The following CD99L2 variants were observed in gnomAD, a reference collection of about 807,000 sequenced individuals.
CD99L2 encodes the protein CD99 antigen-like protein 2.
In CD99L2, 24 loss-of-function variants were observed where a neutral mutation model predicts 27.3. The ratio of observed to expected loss-of-function variants is 0.88; its 90% confidence interval spans 0.64 to 1.24. The LOEUF (loss-of-function observed/expected upper bound fraction) is 1.24, where lower values mean the gene tolerates loss of function less well. CD99L2 is among the 50% of genes most tolerant of loss of function. The probability of loss-of-function intolerance (pLI) is 0.00; values close to 1 mark genes in which losing one functional copy is unlikely to be tolerated. For missense variants in CD99L2, 255 were observed against 221.6 expected (o/e 1.15, Z -0.96); for synonymous variants, 97 against 87.9 (o/e 1.10, Z -0.58).
chrX:150,890,307 C>T lies in CD99L2; in HGVS notation c.67+8215G>A, dbSNP rs180761949. Among the ~76,000 whole-genome samples the T allele has an allele frequency of 7.5e-3, 817 of 109,076 alleles. 7 individuals are homozygous for T. Among genetic ancestry groups the T allele is most frequent in the African/African-American group, 0.026 (772 of 29,913 alleles). The allele number at this position is 109,076 out of a possible 115,157, so 94.7% of individuals were successfully genotyped here. On this transcript the variant is annotated intron_variant, in intron 1 of 10. Transcript: ENST00000370377. ...CAGCCTGGCCAACATGGTGAAACCC[C>T]GTCTCTACTGAAAATACAAAAATTA... is the stretch of plus-strand genomic sequence containing the variant.
chrX:150,869,553 C>T (rs1557422136), intron 1 of CD99L2, among the ~76,000 whole-genome samples: 1 of 111,971 alleles, frequency 8.9e-6, no homozygotes, highest in African/African-American at 3.2e-5. Context: ...CAGATTTCTT[C>T]TGGATCTTCC....
chrX:150,853,890 A>G (rs1355253754), intron 1 of CD99L2, among the ~76,000 whole-genome samples: 1 of 112,008 alleles, frequency 8.9e-6, no homozygotes, highest in Non-Finnish European at 1.9e-5. Flanking sequence ...TCCCAGAGAC[A>G]TACCTGAGAA....
chrX:150,829,608 G>GA (rs1569566024), intron 2 of CD99L2: 1 of 292,759 alleles, frequency 3.4e-6, no homozygotes, highest in South Asian at 3.2e-5. Context: ...AAGGCAGCTG[G>GA]AAAAAACCAA....
intron 1 of CD99L2, among the ~76,000 whole-genome samples, chrX:150,876,994 A>C (rs2047237000): frequency 9.0e-6 from 1 of 111,615 alleles, no homozygotes; most frequent in Non-Finnish European, 1.9e-5. Flanking sequence ...TATAAAAATC[A>C]TATCTAGGTC....
intron 1 of CD99L2, among the ~76,000 whole-genome samples, chrX:150,841,528 C>T (rs1941003838): frequency 8.9e-6 from 1 of 111,949 alleles, no homozygotes; most frequent in Non-Finnish European, 1.9e-5. Flanking sequence ...AGCCTACCAT[C>T]TCAATGGGTC....
At chrX:150,781,769 C>T (rs1267298650) in intron 7 of CD99L2, among the ~76,000 whole-genome samples, 1 of 112,072 alleles carries the variant, frequency 8.9e-6, no homozygotes, top group Non-Finnish European at 1.9e-5. Context: ...TAGCAGGTCT[C>T]ATAGCTATAG....
intron 1 of CD99L2, among the ~76,000 whole-genome samples, chrX:150,862,119 T>G (rs2046989216): frequency 8.9e-6 from 1 of 111,732 alleles, no homozygotes. Flanking sequence ...CCTGAGAACT[T>G]ATTATGTTTA....
rs782442614 is a variant in CD99L2 at position 150,888,478 on chromosome X, G to A, written c.67+10044C>T. Among the ~76,000 whole-genome samples, 7 of 112,118 alleles carry A rather than the reference G, an allele frequency of 6.2e-5. No homozygotes were observed. The South Asian group carries it at 2.6e-3, about 42-fold the overall frequency. On this transcript the variant is annotated intron_variant, in intron 1 of 10. Coordinates refer to ENST00000370377, the MANE Select transcript of CD99L2 (RefSeq NM_031462.4). ...TCCGTTGCTATGAAATGTCCAGAAT[G>A]GGCAAATCCAGATAGGAAGCAGATG...
intron 9 of CD99L2, among the ~76,000 whole-genome samples, chrX:150,772,259 G>C (rs782429326): frequency 1.8e-5 from 2 of 112,897 alleles, no homozygotes; most frequent in Admixed American, 1.9e-4. Flanking sequence ...TCCTGATCAC[G>C]GAGGGGGCAA....
At chrX:150,801,255 C>T (rs1603294401) in intron 4 of CD99L2, among the ~76,000 whole-genome samples, 1 of 111,533 alleles carries the variant, frequency 9.0e-6, no homozygotes, top group Admixed American at 9.5e-5. Flanking sequence ...CGTTTTCACA[C>T]TGATATAAAG....
intron 1 of CD99L2, among the ~76,000 whole-genome samples, chrX:150,882,075 C>CA (rs1358425920): frequency 1.8e-5 from 2 of 110,989 alleles, no homozygotes; most frequent in Non-Finnish European, 3.8e-5. Context: ...CTCGGTCTCC[C>CA]AAAGTGCTGG....
At chrX:150,831,855 A>G (rs900162070) in intron 1 of CD99L2, among the ~76,000 whole-genome samples, 5 of 112,266 alleles carry the variant, frequency 4.5e-5, no homozygotes, top group Non-Finnish European at 9.4e-5. Flanking sequence ...AAGTATAACA[A>G]TTGTAAATAT....
chrX:150,795,574 A>T, intron 4 of CD99L2, 88 bp from the exon 5 acceptor site: 1 of 938,453 alleles, frequency 1.1e-6, no homozygotes, highest in Non-Finnish European at 1.5e-6. Flanking sequence ...CACATCATGA[A>T]TATTCTTGTC....
intron 4 of CD99L2, among the ~76,000 whole-genome samples, chrX:150,809,568 T>A (rs891697794): frequency 1.8e-5 from 2 of 112,040 alleles, no homozygotes; most frequent in Non-Finnish European, 3.8e-5. Context: ...TAAGGAAAAG[T>A]GTCATCATTC....
At chrX:150,848,921 C>T (rs782740811) in intron 1 of CD99L2, among the ~76,000 whole-genome samples, 6 of 111,423 alleles carry the variant, frequency 5.4e-5, no homozygotes, top group African/African-American at 1.3e-4. Context: ...CCCCTGCTGT[C>T]GTATGCTCCT....
intron 1 of CD99L2, among the ~76,000 whole-genome samples, chrX:150,871,429 CTGAAGGT>C (rs1220842350): frequency 1.3e-4 from 15 of 111,699 alleles, no homozygotes; most frequent in African/African-American, 4.9e-4. Flanking sequence ...CAGATTCAGA[CTGAAGGT>C]TGATAAGATT....
chrX:150,804,681 A>C (rs942836866), intron 4 of CD99L2, among the ~76,000 whole-genome samples: 1 of 112,361 alleles, frequency 8.9e-6, no homozygotes, highest in Non-Finnish European at 1.9e-5. Flanking sequence ...AACAAAATTG[A>C]CAAACCTTTA....
intron 1 of CD99L2, among the ~76,000 whole-genome samples, chrX:150,844,955 G>A (rs998286148): frequency 4.5e-5 from 5 of 112,112 alleles, no homozygotes; most frequent in African/African-American, 1.3e-4. Context: ...AAGTCTTAAA[G>A]TGCTTTTACT....
chrX:150,848,118 C>CG (rs1432504597), intron 1 of CD99L2, among the ~76,000 whole-genome samples: 6 of 107,309 alleles, frequency 5.6e-5, no homozygotes, highest in African/African-American at 2.1e-4. Flanking sequence ...CAGGCCCCCC[C>CG]CCCCTTGTAC....
Sources: allele counts gnomAD v4.1 joint callset (sites outside exome capture counted in the v4.1 genomes callset), GRCh38; gene constraint gnomAD v4.1.1; transcripts MANE v1.5; gene names NCBI Gene and HGNC (gene_info 2026-07-23, HGNC 2026-07-21).